The following B3GALT5 variants were observed in gnomAD, a reference collection of about 807,000 sequenced individuals.
B3GALT5 encodes beta-1,3-galactosyltransferase 5, also known as UDP-Gal:betaGlcNAc beta 1,3-galactosyltransferase, polypeptide 5.
For missense variants in B3GALT5, 328 were observed against 396.6 expected, an observed-to-expected ratio of 0.83 and a Z score of 1.47; for synonymous variants, 156 against 158.6, an observed-to-expected ratio of 0.98 and a Z score of 0.12.
chr21:39,656,500 C>G (rs1160194410), intron 2 of B3GALT5, among the ~76,000 whole-genome samples: 1 of 152,222 alleles, frequency 6.6e-6, no homozygotes, highest in Non-Finnish European at 1.5e-5. Context: ...CCGAGGGCCA[C>G]AGCCCCTGGA....
At chr21:39,659,128 T>TTCCCA (rs2079482349) in intron 2 of B3GALT5, among the ~76,000 whole-genome samples, 1 of 152,162 alleles carries the variant, frequency 6.6e-6, no homozygotes, top group South Asian at 2.1e-4. Flanking sequence ...TGGTCACAGC[T>TTCCCA]ACTTGGGAAG....
chr21:39,633,813 C>T (rs1295837930), intron 1 of B3GALT5, among the ~76,000 whole-genome samples: 1 of 152,156 alleles, frequency 6.6e-6, no homozygotes, highest in Non-Finnish European at 1.5e-5. Context: ...GTTTATTTTG[C>T]CCTCCGGACA....
chr21:39,656,026 C>T (rs747961583), intron 2 of B3GALT5, among the ~76,000 whole-genome samples: 4 of 152,156 alleles, frequency 2.6e-5, no homozygotes, highest in African/African-American at 9.7e-5. Context: ...CAGGCAGTTT[C>T]CACTGGCGTT....
At chr21:39,645,738 C>T (rs1050417598) in intron 1 of B3GALT5, among the ~76,000 whole-genome samples, 2 of 152,060 alleles carry the variant, frequency 1.3e-5, no homozygotes, top group Non-Finnish European at 2.9e-5. Flanking sequence ...GTCCCTGTTC[C>T]AGTTGGGACA....
chr21:39,647,036 G>A (rs1667631772), intron 2 of B3GALT5, among the ~76,000 whole-genome samples: 1 of 152,140 alleles, frequency 6.6e-6, no homozygotes, highest in South Asian at 2.1e-4. Flanking sequence ...GGGAGGTGGA[G>A]GTGGCAGTGA....
intron 2 of B3GALT5, among the ~76,000 whole-genome samples, chr21:39,656,844 C>T (rs753439946): frequency 1.2e-4 from 19 of 152,234 alleles, no homozygotes; most frequent in Non-Finnish European, 2.5e-4. Context: ...ACGGCTCTAG[C>T]TTTGTGTGTT....
intron 2 of B3GALT5, among the ~76,000 whole-genome samples, chr21:39,653,251 G>A (rs1199400841): frequency 2.0e-5 from 3 of 152,096 alleles, no homozygotes; most frequent in East Asian, 1.9e-4. Flanking sequence ...TTAATACATC[G>A]CATGTCAATA....
At chr21:39,652,007 T>G (rs1226859799) in intron 2 of B3GALT5, among the ~76,000 whole-genome samples, 2 of 152,184 alleles carry the variant, frequency 1.3e-5, no homozygotes, top group Non-Finnish European at 2.9e-5. Context: ...ATGTTTGTTG[T>G]GGGGGGTGCT....
At position 39,668,068 on chromosome 21, in the gene B3GALT5, G is replaced by A. The variant is rs1163953524; in HGVS notation, c.*6576G>A. ...GGCTGAATGCATGGGCTGCTATCGC[G>A]ATGTTGTATCTAATGGCCTGCAGTG... is the stretch of plus-strand genomic sequence containing the variant. On this transcript the variant is annotated 3_prime_UTR_variant, in exon 4 of 4. Coordinates refer to ENST00000684187, the MANE Select transcript of B3GALT5 (RefSeq NM_001356336.2). 6.6e-6 allele frequency: 1 copy of A among 152,268 alleles called. No homozygotes were observed. Among genetic ancestry groups the A allele is most frequent in the Admixed American group, 6.5e-5 (1 of 15,290 alleles). 9.4% of individuals were successfully genotyped at this position (152,268 alleles called of 1,614,324 possible).
At chr21:39,650,387 G>A (rs2079383233) in intron 2 of B3GALT5, among the ~76,000 whole-genome samples, 1 of 152,202 alleles carries the variant, frequency 6.6e-6, no homozygotes, top group Non-Finnish European at 1.5e-5. Flanking sequence ...GGCACAGGCT[G>A]CTCCTGAGGC....
chr21:39,654,374 G>A lies in B3GALT5; in HGVS notation c.-160-5379G>A, dbSNP rs1219023276. ...TAGGATTACAGGGATGAGCCACCATGGTCGACTTCATGATAAAACTTCAGT... is the reference window on the plus strand; with the variant it reads ...TAGGATTACAGGGATGAGCCACCATAGTCGACTTCATGATAAAACTTCAGT... On this transcript the variant is annotated intron_variant, in intron 2 of 3. Coordinates refer to ENST00000684187, the MANE Select transcript of B3GALT5 (RefSeq NM_001356336.2). 2.0e-5 allele frequency among the ~76,000 whole-genome samples: 3 copies of A among 152,162 alleles called. No individual in the cohort carries two copies. In the East Asian group the frequency reaches 5.8e-4, roughly 29 times the overall value.
At chr21:39,627,579 T>A (rs1004346700) in intron 1 of B3GALT5, among the ~76,000 whole-genome samples, 1 of 152,188 alleles carries the variant, frequency 6.6e-6, no homozygotes, top group Non-Finnish European at 1.5e-5. Context: ...CCTTTTTTTT[T>A]TCTAAATTCT....
rs146244694 is a variant in B3GALT5, at chr21:39,670,211, C to CTGTGTGTGTGTGTGTGTG, written c.*8727_*8744dup. The stretch of plus-strand genomic sequence containing the variant: ...CAAGCCCGGGGGCGCCACACTCAGA[C>CTGTGTGTGTGTGTGTGTG]TGTGTGTGTGTGTGTGTGTGTGTGT... On this transcript the variant is annotated 3_prime_UTR_variant, in exon 4 of 4. Transcript: ENST00000684187. 5.3e-5 allele frequency: 8 copies of CTGTGTGTGTGTGTGTGTG among 149,646 alleles called. No individual in the cohort carries two copies. Among genetic ancestry groups the CTGTGTGTGTGTGTGTGTG allele is most frequent in the African/African-American group, 2.0e-4 (8 of 40,712 alleles). The allele number at this position is 149,646 out of a possible 1,614,324, so 9.3% of individuals were successfully genotyped here.
Position 39,661,471 on chromosome 21 carries a change from G to T in B3GALT5, c.912G>T (p.Gly304=). ...DYWQALENSR[G]EDCPPV ...GGCAGGCTCTAGAGAATTCCCGGGGGGAAGATTGTCCGCCTGTCTGAGGGG... is the reference window on the plus strand; with the variant it reads ...GGCAGGCTCTAGAGAATTCCCGGGGTGAAGATTGTCCGCCTGTCTGAGGGG... The change falls in exon 4 of 4, where the codon GGG becomes GGT. Residue 304 remains glycine, a synonymous_variant. Coordinates refer to ENST00000684187, the MANE Select transcript of B3GALT5 (RefSeq NM_001356336.2). The surrounding 1 kb of genome is among the most constrained non-coding windows in gnomAD (Gnocchi z 4.7). 1 of 1,508,718 alleles carries T rather than the reference G, an allele frequency of 6.6e-7. No individual in the cohort carries two copies. Among genetic ancestry groups the T allele is most frequent in the Non-Finnish European group, 8.9e-7 (1 of 1,129,598 alleles). 93.5% of individuals were successfully genotyped at this position (1,508,718 alleles called of 1,614,324 possible).
chr21:39,630,629 A>T (rs2079186951), intron 1 of B3GALT5: 1 of 152,234 alleles, frequency 6.6e-6, no homozygotes, highest in Non-Finnish European at 1.5e-5. Context: ...TGGTGTTTGC[A>T]TGTCAGCGTT....
chr21:39,654,457 A>G (rs1213764690), intron 2 of B3GALT5, among the ~76,000 whole-genome samples: 1 of 152,126 alleles, frequency 6.6e-6, no homozygotes, highest in African/African-American at 2.4e-5. Flanking sequence ...AATGGAATCT[A>G]CTCCTGGTGA....
In B3GALT5 at chr21:39,639,391, C is replaced by CTTT. The variant is rs1569212308; in HGVS notation, c.-391-6999_-391-6998insTTT. Among the ~76,000 whole-genome samples the CTTT allele has an allele frequency of 1.9e-3, 154 of 81,688 alleles. 1 individual carries two copies. Among genetic ancestry groups the CTTT allele is most frequent in the Middle Eastern group, 0.014 (2 of 140 alleles). 53.6% of individuals were successfully genotyped at this position (81,688 alleles called of 152,430 possible). On this transcript the variant is annotated intron_variant, in intron 1 of 3. Coordinates refer to ENST00000684187, the MANE Select transcript of B3GALT5 (RefSeq NM_001356336.2). ...CCTTCCTTCCTTCCTTCCTTCCTTC[C>CTTT]TTCTTTCTTTTTCTTTCTTTCTTTC...
chr21:39,639,410 TTCTTTC>T (rs1569212430), intron 1 of B3GALT5, among the ~76,000 whole-genome samples: 11 of 94,650 alleles, frequency 1.2e-4, no homozygotes, highest in South Asian at 3.5e-4. Context: ...TTTTCTTTCT[TTCTTTC>T]TTTCTTTCTT....
rs148502837 is a variant in B3GALT5, at chr21:39,661,264, C to A, written c.705C>A (p.Ser235Arg). Residue 235 changes from serine to arginine, a missense_variant, in exon 4 of 4, where the codon AGC becomes AGA. Transcript: ENST00000684187. This position sits in a 1 kb window ranked among gnomAD's most constrained non-coding sequence, Gnocchi z 4.7. ...GTCAGGTGTACAATGTCTCCAAGAGCGTCCCATACATTAAACTGGAAGACG... is the reference window on the plus strand; with the variant it reads ...GTCAGGTGTACAATGTCTCCAAGAGAGTCCCATACATTAAACTGGAAGACG... The part of the protein sequence containing the change: ...VASQVYNVSK[S>R]VPYIKLEDVF... 6.2e-7 allele frequency: 1 copy of A among 1,614,040 alleles called. No homozygotes were observed. Among genetic ancestry groups the A allele is most frequent in the East Asian group, 2.2e-5 (1 of 44,886 alleles).
Sources: gnomAD v4.1 joint callset for allele counts (sites outside exome capture counted in the v4.1 genomes callset) on GRCh38, gnomAD v4.1.1 for gene constraint, Gnocchi (gnomAD v3.1) non-coding constraint, MANE v1.5 for transcripts, NCBI Gene and HGNC (gene_info 2026-07-23, HGNC 2026-07-21) for gene names.